Variants in PRORP observed in about 807,000 individuals in gnomAD.
PRORP encodes protein only RNase P catalytic subunit.
Under a neutral mutation model 59.4 loss-of-function variants are expected in PRORP, and 51 were observed. The ratio of observed to expected loss-of-function variants is 0.86; its 90% CI spans 0.69 to 1.08. The LOEUF (loss-of-function observed/expected upper bound fraction) is 1.08. Among genes scored for constraint, PRORP ranks in the 50% least tolerant of loss-of-function variants. The probability of loss-of-function intolerance (pLI) is 0.00; values close to 1 mark genes in which losing one functional copy is unlikely to be tolerated. For missense variants in PRORP, 646 were observed against 690.3 expected, an observed-to-expected ratio of 0.94 and a Z score of 0.72; for synonymous variants, 231 against 245.6, an observed-to-expected ratio of 0.94 and a Z score of 0.55.
At chr14:35,144,048 A>G (rs1343969057) in intron 4 of PRORP, 1 of 149,520 alleles carries the variant, frequency 6.7e-6, no homozygotes, top group Non-Finnish European at 1.5e-5. Context: ...TACTGGCAAC[A>G]TCCAAAACAT....
intron 5 of PRORP, among the ~76,000 whole-genome samples, chr14:35,263,920 T>C (rs1200598966): frequency 6.6e-6 from 1 of 152,040 alleles, no homozygotes; most frequent in African/African-American, 2.4e-5. Flanking sequence ...GAGTGTTAGC[T>C]CACATGAAGT....
rs570305201 is a variant in PRORP at position 35,201,359 on chromosome 14, G to A, written c.1275+20582G>A. ...AGGAGTTATGTTTCACTTCCTTGAG[G>A]GCAGAGTATTTACGTAAATTATTTG... On this transcript the variant is annotated intron_variant, in intron 5 of 7. Transcript: ENST00000534898. Among the ~76,000 whole-genome samples the A allele has an allele frequency of 1.5e-3, 228 of 152,214 alleles. 1 individual carries two copies. The highest frequency in any genetic ancestry group is 4.7e-3 in the African/African-American group (196 of 41,520).
chr14:35,152,867 C>T (rs925258461), intron 4 of PRORP, among the ~76,000 whole-genome samples: 3 of 151,052 alleles, frequency 2.0e-5, no homozygotes, highest in Non-Finnish European at 4.4e-5. Flanking sequence ...ATTTCCTAGA[C>T]GGGATGGCGG....
chr14:35,227,013 G>A (rs955263323), intron 5 of PRORP, among the ~76,000 whole-genome samples: 3 of 151,906 alleles, frequency 2.0e-5, no homozygotes, highest in Non-Finnish European at 4.4e-5. Context: ...TGGGATACAG[G>A]CGTGAGCCAC....
intron 4 of PRORP, among the ~76,000 whole-genome samples, chr14:35,161,407 G>A (rs990897278): frequency 1.3e-5 from 2 of 152,222 alleles, no homozygotes; most frequent in Non-Finnish European, 2.9e-5. Flanking sequence ...ACGAAGGGAA[G>A]TTAGACACTG....
At chr14:35,199,979 AAG>A (rs1239936824) in intron 5 of PRORP, among the ~76,000 whole-genome samples, 1 of 152,224 alleles carries the variant, frequency 6.6e-6, no homozygotes, top group Non-Finnish European at 1.5e-5. Context: ...CTGTTGAGGA[AAG>A]AGATAACAGG....
At chr14:35,210,750 CTTTTTTTTTTTTTTTT>C (rs71435870) in intron 5 of PRORP, among the ~76,000 whole-genome samples, 665 of 34,110 alleles carry the variant, frequency 0.019, 18 homozygotes, top group African/African-American at 0.073. Context: ...TTTCTTTTGC[CTTTTTTTTTTTTTTTT>C]TTTTTTTTTT....
At chr14:35,164,589 C>T (rs7492529) in intron 4 of PRORP, among the ~76,000 whole-genome samples, 6,056 of 152,092 alleles carry the variant, frequency 0.04, 358 homozygotes, top group Admixed American at 0.17. Flanking sequence ...AAACATTGAG[C>T]ATACATGGAC....
intron 4 of PRORP, among the ~76,000 whole-genome samples, 181 bp from the exon 5 acceptor site, chr14:35,180,489 A>G (rs1272967199): frequency 6.6e-6 from 1 of 151,460 alleles, no homozygotes; most frequent in Admixed American, 6.6e-5. Flanking sequence ...AGTTGCATCC[A>G]TTAGACTGGC....
chr14:35,190,652 C>A (rs187003429), intron 5 of PRORP, among the ~76,000 whole-genome samples: 1 of 151,892 alleles, frequency 6.6e-6, no homozygotes, highest in Non-Finnish European at 1.5e-5. Context: ...ATTACAGGCA[C>A]GTGCCACCAC....
intron 4 of PRORP, among the ~76,000 whole-genome samples, chr14:35,166,819 T>A (rs890265965): frequency 6.6e-6 from 1 of 152,174 alleles, no homozygotes. Flanking sequence ...TTTCACCCTA[T>A]TGAATTATCC....
intron 4 of PRORP, among the ~76,000 whole-genome samples, chr14:35,137,907 A>T (rs1352471227): frequency 6.9e-6 from 1 of 145,456 alleles, no homozygotes; most frequent in Non-Finnish European, 1.5e-5. Context: ...GTGCATGTAC[A>T]TGTGTGTGTT....
At chr14:35,237,895 C>G (rs1427537964) in intron 5 of PRORP, among the ~76,000 whole-genome samples, 1 of 152,082 alleles carries the variant, frequency 6.6e-6, no homozygotes, top group Non-Finnish European at 1.5e-5. Context: ...ACCTTGTGCT[C>G]CACCCACCTC....
upstream of PRORP, chr14:35,121,843 C>A (rs45508403): frequency 6.9e-6 from 11 of 1,584,004 alleles, no homozygotes; most frequent in East Asian, 4.5e-5. Context: ...CCACCTCCCC[C>A]CTACCTCTAG....
At chr14:35,158,267 T>C (rs1310297830) in intron 4 of PRORP, 2 of 241,862 alleles carry the variant, frequency 8.3e-6, no homozygotes, top group Non-Finnish European at 1.7e-5. Flanking sequence ...GTTTTCTCCT[T>C]TCATAGTGGG....
At chr14:35,189,235 A>G (rs1157872595) in intron 5 of PRORP, among the ~76,000 whole-genome samples, 2 of 151,944 alleles carry the variant, frequency 1.3e-5, no homozygotes, top group African/African-American at 2.4e-5. Flanking sequence ...TGCTTAAAGT[A>G]TTTTTGTTGT....
intron 5 of PRORP, chr14:35,235,081 A>G: frequency 2.4e-6 from 1 of 418,216 alleles, no homozygotes; most frequent in Non-Finnish European, 4.6e-6. Context: ...TGTTACCAGT[A>G]ACCTCCAAGG....
At chr14:35,230,938 AACACACACACACAC>A (rs60270535) in intron 5 of PRORP, among the ~76,000 whole-genome samples, 130 of 144,556 alleles carry the variant, frequency 9.0e-4, no homozygotes, top group Admixed American at 2.7e-3. Context: ...AGGAAAAGAG[AACACACACACACAC>A]ACACACACAC....
At chr14:35,175,737 G>C (rs76994072) in intron 4 of PRORP, among the ~76,000 whole-genome samples, 2 of 151,762 alleles carry the variant, frequency 1.3e-5, no homozygotes, top group South Asian at 2.1e-4. Context: ...AGAAGCTCTT[G>C]AGTTTAATTA....
Sources: allele counts gnomAD v4.1 joint callset (sites outside exome capture counted in the v4.1 genomes callset), GRCh38; gene constraint gnomAD v4.1.1; transcripts MANE v1.5; gene names NCBI Gene and HGNC (gene_info 2026-07-23, HGNC 2026-07-21).